RFX8: variants seen among roughly 807,000 people sequenced by gnomAD.
RFX8 encodes the protein DNA-binding protein RFX8.
A neutral mutation model predicts 54.6 loss-of-function variants in RFX8; 46 were observed. The ratio of observed to expected loss-of-function variants is 0.84; its 90% confidence interval spans 0.67 to 1.08. The LOEUF is 1.08. Among genes scored for constraint, RFX8 ranks in the 50% least tolerant of loss-of-function variants. The pLI, the probability that RFX8 is intolerant of heterozygous loss-of-function variation, is 0.00. For missense variants in RFX8, 536 were observed against 562.3 expected, an observed-to-expected ratio of 0.95 and a Z score of 0.47; for synonymous variants, 192 against 209.5, an observed-to-expected ratio of 0.92 and a Z score of 0.72.
At chr2:101,421,556 A>G in intron 4 of RFX8, 168 bp downstream of exon 4, 2 of 1,339,956 alleles carry the variant, frequency 1.5e-6, no homozygotes, top group Non-Finnish European at 1.9e-6. Context: ...ACCTTCCAGA[A>G]CTCAATGACT....
In RFX8 at chr2:101,450,773, T is replaced by C. The variant is rs1017850145; in HGVS notation, c.72+16004A>G. The stretch of plus-strand genomic sequence containing the variant: ...TAGGCGAACTAATGAAGACTTGGAG[T>C]TCTTCTCCAGGTTTTAGCATTGGCT... On this transcript the variant is annotated intron_variant, in intron 2 of 11. Transcript: ENST00000428343. 11 of 681,450 alleles carry C rather than the reference T, an allele frequency of 1.6e-5. No individual in the cohort carries two copies. The South Asian group carries it at 1.9e-4, about 11-fold the overall frequency. The allele number at this position is 681,450 out of a possible 1,614,324, so 42.2% of individuals were successfully genotyped here.
intron 2 of RFX8, among the ~76,000 whole-genome samples, chr2:101,452,878 A>G (rs1468234379): frequency 1.3e-5 from 2 of 151,914 alleles, no homozygotes; most frequent in East Asian, 3.9e-4. Flanking sequence ...AGGCTGAGGC[A>G]GGCGAATCAT....
intron 9 of RFX8, among the ~76,000 whole-genome samples, chr2:101,408,281 G>C (rs13409413): frequency 0.98 from 149,092 of 152,094 alleles, 73,233 homozygotes; most frequent in Middle Eastern, 1. Flanking sequence ...GTCAGGAGAT[G>C]GAGACCATCC....
At position 101,412,349 on chromosome 2, in the gene RFX8, G is replaced by A. The variant is rs138985393; in HGVS notation, c.718+566C>T. 2.9e-3 allele frequency among the ~76,000 whole-genome samples: 444 copies of A among 152,304 alleles called. 2 individuals carry two copies. Among genetic ancestry groups the A allele is most frequent in the African/African-American group, 0.01 (416 of 41,564 alleles). ...CCAGCAACGCAAGCTCTTTATGGAAGGGGGATTTTTTTCTTGAAAAACAAT... is the reference window on the plus strand; with the variant it reads ...CCAGCAACGCAAGCTCTTTATGGAAAGGGGATTTTTTTCTTGAAAAACAAT... On this transcript the variant is annotated intron_variant, in intron 8 of 11. Coordinates refer to ENST00000428343, the MANE Select transcript of RFX8 (RefSeq NM_001145664.2).
chr2:101,403,243 G>T (rs1007304604), intron 10 of RFX8, among the ~76,000 whole-genome samples: 2 of 152,132 alleles, frequency 1.3e-5, no homozygotes, highest in Non-Finnish European at 2.9e-5. Flanking sequence ...GTGGGAAGTG[G>T]GTAAGGAGGC....
intron 2 of RFX8, among the ~76,000 whole-genome samples, chr2:101,427,461 C>T (rs1293805392): frequency 6.6e-6 from 1 of 152,124 alleles, no homozygotes; most frequent in Non-Finnish European, 1.5e-5. Flanking sequence ...GGAGGGACCT[C>T]TAGAAGCTGG....
rs1687339610 is a variant in RFX8, at chr2:101,428,981, T to A, written c.73-6509A>T. 2.0e-6 allele frequency: 3 copies of A among 1,533,160 alleles called. No individual in the cohort carries two copies. The Admixed American group carries it at 5.9e-5, about 30-fold the overall frequency. 95.0% of individuals were successfully genotyped at this position (1,533,160 alleles called of 1,614,324 possible). On this transcript the variant is annotated intron_variant, in intron 2 of 11. Coordinates refer to ENST00000428343, the MANE Select transcript of RFX8 (RefSeq NM_001145664.2). ...TGTTGCTTCTTGTTGGATAATGCTG[T>A]TATAATTAGTAGATTTTTCAAAGGC...
At chr2:101,460,090 A>C (rs931456936) in intron 2 of RFX8, among the ~76,000 whole-genome samples, 4 of 152,152 alleles carry the variant, frequency 2.6e-5, no homozygotes, top group Non-Finnish European at 5.9e-5. Context: ...AGTTGCTAAG[A>C]CCTTGGGAGA....
chr2:101,430,946 A>T (rs1178397427), intron 2 of RFX8, among the ~76,000 whole-genome samples: 1 of 152,236 alleles, frequency 6.6e-6, no homozygotes, highest in Non-Finnish European at 1.5e-5. Context: ...CACTCTTTAG[A>T]GATGTCTAAA....
At chr2:101,451,822 G>A (rs980253154) in intron 2 of RFX8, among the ~76,000 whole-genome samples, 26 of 152,302 alleles carry the variant, frequency 1.7e-4, no homozygotes, top group South Asian at 6.2e-4. Flanking sequence ...GGCCGGACGT[G>A]GTGGCTCACG....
At chr2:101,448,219 C>T (rs925873243) in intron 2 of RFX8, among the ~76,000 whole-genome samples, 1 of 152,188 alleles carries the variant, frequency 6.6e-6, no homozygotes, top group African/African-American at 2.4e-5. Context: ...TCCATGGTTT[C>T]TGCCCTTGTG....
At chr2:101,398,041 A>G (rs1444292332) in intron 11 of RFX8, among the ~76,000 whole-genome samples, 1 of 152,180 alleles carries the variant, frequency 6.6e-6, no homozygotes, top group Admixed American at 6.5e-5. Context: ...TATTTTTAGT[A>G]GAGACAGGGT....
chr2:101,400,842 G>A (rs995298974), intron 11 of RFX8, among the ~76,000 whole-genome samples: 1 of 152,134 alleles, frequency 6.6e-6, no homozygotes, highest in African/African-American at 2.4e-5. Context: ...TTCCACTGGT[G>A]GCCCTTGGAG....
At chr2:101,456,969 C>G (rs1308665794) in intron 2 of RFX8, among the ~76,000 whole-genome samples, 1 of 152,130 alleles carries the variant, frequency 6.6e-6, no homozygotes, top group African/African-American at 2.4e-5. Flanking sequence ...TCCATTTCTT[C>G]TAGATTTTCT....
intron 9 of RFX8, 54 bp from the exon 10 acceptor site, chr2:101,406,111 AT>A (rs1372804821): frequency 3.8e-6 from 4 of 1,045,088 alleles, no homozygotes; most frequent in Non-Finnish European, 4.3e-6. Flanking sequence ...ATCAAGAAGC[AT>A]AGTATGTTTT....
At chr2:101,451,420 G>C (rs12475133) in intron 2 of RFX8, among the ~76,000 whole-genome samples, 52,455 of 151,972 alleles carry the variant, frequency 0.35, 9,741 homozygotes, top group African/African-American at 0.44. Flanking sequence ...GGGCGCGGTG[G>C]CTCACGCCTG....
At chr2:101,452,327 G>A in intron 2 of RFX8, 1 of 936,506 alleles carries the variant, frequency 1.1e-6, no homozygotes, top group South Asian at 1.6e-5. Context: ...CATTCATTTT[G>A]TGATTTTCCA....
At chr2:101,469,018 G>GTA (rs1177513761) in intron 1 of RFX8, among the ~76,000 whole-genome samples, 1,152 of 21,484 alleles carry the variant, frequency 0.054, 47 homozygotes, top group African/African-American at 0.093. Context: ...ATATATATAG[G>GTA]TATATATATA....
chr2:101,398,801 T>C (rs138615019), intron 11 of RFX8, among the ~76,000 whole-genome samples: 1 of 152,290 alleles, frequency 6.6e-6, no homozygotes, highest in East Asian at 1.9e-4. Context: ...AAACCTCCTA[T>C]AAGCTAGTAT....
Sources: allele counts gnomAD v4.1 joint callset (sites outside exome capture counted in the v4.1 genomes callset), GRCh38; gene constraint gnomAD v4.1.1; transcripts MANE v1.5; gene names NCBI Gene and HGNC (gene_info 2026-07-23, HGNC 2026-07-21).